Variants in GGT1 observed in about 807,000 individuals in gnomAD.
GGT1 encodes gamma-glutamyltransferase 1.
A neutral mutation model predicts 56.0 loss-of-function variants in GGT1; 21 were observed. The ratio of observed to expected loss-of-function variants is 0.38; its 90% CI spans 0.27 to 0.54. The LOEUF is 0.54. Among genes scored for constraint, GGT1 ranks in the 20% least tolerant of loss-of-function variants. GGT1 has a pLI of 0.82. For synonymous variants in GGT1, 238 were observed against 342.6 expected (o/e 0.69, Z 3.37); for missense variants, 466 against 787.0 (o/e 0.59, Z 4.88).
At chr22:24,596,383 G>C (rs949721268) in intron 1 of GGT1, among the ~76,000 whole-genome samples, 1 of 152,118 alleles carries the variant, frequency 6.6e-6, no homozygotes, top group Non-Finnish European at 1.5e-5. Context: ...GGCAATCCTT[G>C]GCCTTCCTTG....
At chr22:24,593,647 C>T (rs936449742), upstream of GGT1, among the ~76,000 whole-genome samples, 4 of 151,996 alleles carry the variant, frequency 2.6e-5, no homozygotes, top group Non-Finnish European at 5.9e-5. Context: ...ATTAGCCGGG[C>T]GTGGTGGCGG....
intron 1 of GGT1, among the ~76,000 whole-genome samples, chr22:24,596,742 C>CAAAAAAAAAAAAAAAAA: frequency 9.2e-6 from 1 of 108,346 alleles, no homozygotes; most frequent in Non-Finnish European, 1.8e-5. Flanking sequence ...TACTAAAATA[C>CAAAAAAAAAAAAAAAAA]AAAAAAAAAA....
chr22:24,605,338 TG>T (rs1601635654), intron 1 of GGT1, among the ~76,000 whole-genome samples: 2 of 53,312 alleles, frequency 3.8e-5, no homozygotes, highest in Non-Finnish European at 5.6e-5. Flanking sequence ...TTATATAATA[TG>T]TATTATATAT....
rs3865649 is a variant in GGT1 at position 24,620,829 on chromosome 22, C to A, written c.576-84C>A. 4 of 1,558,720 alleles carry A rather than the reference C, an allele frequency of 2.6e-6. No individual in the cohort carries two copies. In the African/African-American group the frequency reaches 5.4e-5, roughly 21 times the overall value. Reference sequence around the variant, plus strand: ...GACAGGCGCTGCCCCTGTTCTGCTCCGTTCTCCTGTGTGGACGGGTGTGAG... The same window carrying A: ...GACAGGCGCTGCCCCTGTTCTGCTCAGTTCTCCTGTGTGGACGGGTGTGAG... On this transcript the variant is annotated intron_variant, in intron 8 of 15. Transcript: ENST00000400382. This position sits in a 1 kb window ranked among gnomAD's most constrained non-coding sequence, Gnocchi z 5.6.
intron 1 of GGT1, among the ~76,000 whole-genome samples, chr22:24,607,383 A>ATCT (rs1270732143): frequency 2.7e-4 from 41 of 152,306 alleles, no homozygotes; most frequent in African/African-American, 8.2e-4. Context: ...TGTTCTGAAC[A>ATCT]GGGACAGGGA....
In GGT1 at chr22:24,628,515, C is replaced by A; in HGVS notation, c.1563+127C>A. Reference sequence around the variant, plus strand: ...TCTCTAGTGCCTGGGCCATCTGGAGCCCCTGTGCCATGAGGGCCAAGCCCC... The same window carrying A: ...TCTCTAGTGCCTGGGCCATCTGGAGACCCTGTGCCATGAGGGCCAAGCCCC... On this transcript the variant is annotated intron_variant, in intron 15 of 15. Transcript: ENST00000400382. The surrounding 1 kb of genome is among the most constrained non-coding windows in gnomAD (Gnocchi z 5.7). 1.5e-6 allele frequency: 2 copies of A among 1,338,638 alleles called. No homozygotes were observed. The highest frequency in any genetic ancestry group is 1.2e-5 in the South Asian group (1 of 80,746). 82.9% of individuals were successfully genotyped at this position (1,338,638 alleles called of 1,614,324 possible).
upstream of GGT1, among the ~76,000 whole-genome samples, chr22:24,602,003 G>T (rs9624508): frequency 0.027 from 4,048 of 151,284 alleles, 171 homozygotes; most frequent in African/African-American, 0.091. Context: ...GGGTTAATGG[G>T]TTACTGGGCC....
the GGT1 span, chr22:24,586,492 C>A: frequency 7.1e-7 from 1 of 1,398,974 alleles, no homozygotes; most frequent in African/African-American, 1.4e-5. Context: ...CTGTCGGGAA[C>A]AGCCCAGGCC....
chr22:24,587,282 G>A, the GGT1 span, among the ~76,000 whole-genome samples: 4 of 152,220 alleles, frequency 2.6e-5, no homozygotes, highest in Non-Finnish European at 5.9e-5. Context: ...GGCCGGCCAT[G>A]AGGGAGGGCT....
At chr22:24,591,214 G>A (rs1261754857), upstream of GGT1, among the ~76,000 whole-genome samples, 1 of 152,238 alleles carries the variant, frequency 6.6e-6, no homozygotes, top group Non-Finnish European at 1.5e-5. Flanking sequence ...TGAGTAGCTG[G>A]GATTGCAGGC....
chr22:24,594,296 G>A (rs953462161), upstream of GGT1, among the ~76,000 whole-genome samples: 20 of 152,130 alleles, frequency 1.3e-4, 1 homozygote, highest in Admixed American at 6.5e-5. Context: ...CAAGGAGCAC[G>A]TGTTTAGCCT....
intron 5 of GGT1, among the ~76,000 whole-genome samples, chr22:24,611,607 A>G (rs1448441688): frequency 1.3e-5 from 2 of 149,156 alleles, no homozygotes; most frequent in Non-Finnish European, 3.0e-5. Context: ...TCTACTATCT[A>G]TCTATCTATT....
chr22:24,590,649 T>C (rs73402990), upstream of GGT1, among the ~76,000 whole-genome samples: 5,444 of 152,194 alleles, frequency 0.036, 320 homozygotes, highest in African/African-American at 0.12. Flanking sequence ...TCCCTTCAGA[T>C]CCTCTGCCTT....
At chr22:24,585,698 A>G in the GGT1 span, 1 of 657,718 alleles carries the variant, frequency 1.5e-6, no homozygotes, top group Non-Finnish European at 2.5e-6. Flanking sequence ...CACTGAGGGA[A>G]GGCTGAGCCT....
At chr22:24,601,819 C>T (rs1371531588), upstream of GGT1, among the ~76,000 whole-genome samples, 4 of 152,244 alleles carry the variant, frequency 2.6e-5, no homozygotes, top group African/African-American at 9.6e-5. Context: ...TGGAGGCCAG[C>T]TTGGCCCTGG....
chr22:24,597,106 C>T (rs1199627991), intron 1 of GGT1, among the ~76,000 whole-genome samples: 1 of 151,704 alleles, frequency 6.6e-6, no homozygotes, highest in African/African-American at 2.4e-5. Context: ...CCTCAGCCTT[C>T]CAAGTAGCTG....
chr22:24,597,286 C>T lies in GGT1; in HGVS notation c.-324+2400C>T, dbSNP rs376851551. 2.8e-4 allele frequency among the ~76,000 whole-genome samples: 42 copies of T among 152,244 alleles called. No individual in the cohort carries two copies. The East Asian group carries it at 7.4e-3, about 27-fold the overall frequency. On this transcript the variant is annotated intron_variant, in intron 1 of 6. Coordinates refer to the GGT1 transcript ENST00000411974. ...GTGAGCCACTGTGCCCAACAGGGCT[C>T]ATTCATTCTAATCCCGTATGATCTC... is the stretch of plus-strand genomic sequence containing the variant.
intron 11 of GGT1, chr22:24,624,486 G>T: frequency 1.0e-6 from 1 of 965,304 alleles, no homozygotes; most frequent in Non-Finnish European, 1.2e-6. Flanking sequence ...CCCCCACACT[G>T]ACCAGTGACC....
intron 5 of GGT1, among the ~76,000 whole-genome samples, chr22:24,612,403 T>C (rs1344030578): frequency 6.6e-6 from 1 of 151,868 alleles, no homozygotes; most frequent in Admixed American, 6.6e-5. Flanking sequence ...GTTGGTGTGC[T>C]GCACCCACCA....
Sources: allele counts gnomAD v4.1 joint callset (sites outside exome capture counted in the v4.1 genomes callset), GRCh38; gene constraint gnomAD v4.1.1; non-coding constraint Gnocchi (gnomAD v3.1); transcripts MANE v1.5; gene names NCBI Gene and HGNC (gene_info 2026-07-23, HGNC 2026-07-21).